The following RELN variants were observed in gnomAD, a reference collection of about 807,000 sequenced individuals.
RELN encodes the protein reelin.
RELN carries 108 observed loss-of-function variants against 427.6 expected under a neutral mutation model. The observed-to-expected ratio is 0.25, with a 90% CI of 0.22 to 0.30. The LOEUF is 0.30. Ranked by LOEUF, RELN falls within the 10% of genes least tolerant of loss-of-function variation. RELN has a pLI of 1.00. For missense variants in RELN, 3,715 were observed against 4,302.8 expected, an observed-to-expected ratio of 0.86 and a Z score of 3.82; for synonymous variants, 1,524 against 1,513.4, an observed-to-expected ratio of 1.01 and a Z score of -0.16.
At chr7:103,652,885 C>A in intron 13 of RELN, 126 bp from the exon 14 acceptor site, 3 of 789,808 alleles carry the variant, frequency 3.8e-6, no homozygotes, top group Non-Finnish European at 4.4e-6. Context: ...AGGACACGTC[C>A]TTTGTGTTGC....
chr7:103,551,460 T>G (rs1418278426), intron 40 of RELN, among the ~76,000 whole-genome samples, 164 bp from the exon 41 acceptor site: 2 of 152,208 alleles, frequency 1.3e-5, no homozygotes, highest in African/African-American at 4.8e-5. Flanking sequence ...TATTGTATAT[T>G]ACCTTGAAAT....
chr7:103,478,626 C>T (rs1414044642), intron 63 of RELN: 8 of 471,160 alleles, frequency 1.7e-5, no homozygotes, highest in Non-Finnish European at 3.0e-5. Flanking sequence ...TGCTCATAAC[C>T]ATATGTTAAG....
At chr7:103,776,766 A>T (rs1791753284) in intron 3 of RELN, 139 bp from the exon 4 acceptor site, 1 of 873,782 alleles carries the variant, frequency 1.1e-6, no homozygotes, top group East Asian at 2.7e-5. Context: ...CAGAAGAGTG[A>T]TATAAATAAC....
chr7:103,649,620 A>C (rs373044604), intron 16 of RELN, among the ~76,000 whole-genome samples: 1 of 151,528 alleles, frequency 6.6e-6, no homozygotes. Context: ...GGTGATTAAT[A>C]ACAAGTATAA....
chr7:103,676,634 C>G (rs1000122819), intron 11 of RELN, among the ~76,000 whole-genome samples: 1 of 152,144 alleles, frequency 6.6e-6, no homozygotes, highest in Admixed American at 6.5e-5. Context: ...AGACTTGGAA[C>G]CAACCCAAAT....
chr7:103,521,890 T>G, intron 48 of RELN, 132 bp downstream of exon 48: 1 of 853,318 alleles, frequency 1.2e-6, no homozygotes, highest in South Asian at 1.4e-5. Context: ...AGTTGCAAGT[T>G]CAGATCAGGG....
At position 103,472,483 on chromosome 7, in the gene RELN, A is replaced by G. The variant is rs1827888808; in HGVS notation, c.*329T>C. 1 of 340,792 alleles carries G rather than the reference A, an allele frequency of 2.9e-6. No homozygotes were observed. Among genetic ancestry groups the G allele is most frequent in the Non-Finnish European group, 5.6e-6 (1 of 178,496 alleles). The allele number at this position is 340,792 out of a possible 1,614,324, so 21.1% of individuals were successfully genotyped here. On this transcript the variant is annotated 3_prime_UTR_variant, in exon 65 of 65. Transcript: ENST00000428762. ...AATACTGTGCTAAATGCCATTTTAA[A>G]CATAAAATCTCTTAAATTTTTTGTG... is the stretch of plus-strand genomic sequence containing the variant.
chr7:103,524,139 G>T (rs1041072901), intron 46 of RELN, among the ~76,000 whole-genome samples: 4 of 152,182 alleles, frequency 2.6e-5, no homozygotes, highest in South Asian at 2.1e-4. Flanking sequence ...AAGCCTCAGG[G>T]GAGCTGTGAG....
rs541328314 is a variant in RELN at position 103,547,539 on chromosome 7, C to T, written c.6303-2195G>A. On this transcript the variant is annotated intron_variant, in intron 41 of 64. Transcript: ENST00000428762. Reference sequence around the variant, plus strand: ...CTCAAAGTCCTGACCTCAAGTGATCCGCCCACCTTGGCCTCTCAAAGTGCT... The same window carrying T: ...CTCAAAGTCCTGACCTCAAGTGATCTGCCCACCTTGGCCTCTCAAAGTGCT... Among the ~76,000 whole-genome samples, 113 of 152,284 alleles carry T rather than the reference C, an allele frequency of 7.4e-4. 2 individuals carry two copies. The South Asian group carries it at 0.019, about 26-fold the overall frequency.
At chr7:103,982,184 C>A (rs17157868) in intron 1 of RELN, among the ~76,000 whole-genome samples, 19,001 of 151,978 alleles carry the variant, frequency 0.13, 1,348 homozygotes, top group Middle Eastern at 0.28. Context: ...ATAAAAAGAA[C>A]CTTCCCAAAG....
chr7:103,688,297 CA>C (rs1344275589), intron 10 of RELN, among the ~76,000 whole-genome samples: 1 of 152,140 alleles, frequency 6.6e-6, no homozygotes, highest in African/African-American at 2.4e-5. Flanking sequence ...CCTCAAGTTA[CA>C]CACTAGATAG....
chr7:103,773,921 G>C (rs1791671288), intron 4 of RELN, among the ~76,000 whole-genome samples: 1 of 152,094 alleles, frequency 6.6e-6, no homozygotes, highest in Non-Finnish European at 1.5e-5. Flanking sequence ...ACAGGAAATG[G>C]GTCCTTTTCA....
intron 16 of RELN, 63 bp downstream of exon 16, chr7:103,650,211 G>A (rs1035397057): frequency 3.0e-6 from 3 of 1,004,282 alleles, no homozygotes; most frequent in South Asian, 1.3e-5. Flanking sequence ...CTGTGCTGAC[G>A]AACAAAAGCA....
chr7:103,585,346 C>T (rs1831245855), intron 28 of RELN, among the ~76,000 whole-genome samples: 1 of 151,966 alleles, frequency 6.6e-6, no homozygotes, highest in Admixed American at 6.6e-5. Context: ...TTCAAATAAG[C>T]ACAATCAGAA....
chr7:103,487,644 C>A (rs1828492036), intron 60 of RELN, among the ~76,000 whole-genome samples: 1 of 152,200 alleles, frequency 6.6e-6, no homozygotes, highest in Non-Finnish European at 1.5e-5. Flanking sequence ...ACCACAGCAT[C>A]TGGCTGGGCC....
At chr7:103,499,017 C>T (rs1374507167) in intron 53 of RELN, among the ~76,000 whole-genome samples, 1 of 152,192 alleles carries the variant, frequency 6.6e-6, no homozygotes, top group East Asian at 1.9e-4. Context: ...TGTGCCCTCA[C>T]TTTGGAGACT....
chr7:103,810,406 A>C (rs955182000), intron 3 of RELN, among the ~76,000 whole-genome samples: 10 of 152,188 alleles, frequency 6.6e-5, no homozygotes, highest in Non-Finnish European at 1.2e-4. Context: ...CTTAACAATC[A>C]TCACGACCTA....
At chr7:103,661,300 A>C (rs553346158) in intron 12 of RELN, 76 bp downstream of exon 12, 1 of 1,461,126 alleles carries the variant, frequency 6.8e-7, no homozygotes, top group African/African-American at 1.4e-5. Flanking sequence ...GACAACAAAC[A>C]ATCTTACTTC....
chr7:103,728,674 A>G (rs561658975), intron 6 of RELN, among the ~76,000 whole-genome samples: 1 of 152,202 alleles, frequency 6.6e-6, no homozygotes, highest in Non-Finnish European at 1.5e-5. Flanking sequence ...AGCCACTTAC[A>G]TAAAAACTTG....
Sources: gnomAD v4.1 joint callset for allele counts (sites outside exome capture counted in the v4.1 genomes callset) on GRCh38, gnomAD v4.1.1 for gene constraint, MANE v1.5 for transcripts, NCBI Gene and HGNC (gene_info 2026-07-23, HGNC 2026-07-21) for gene names.